Variants in NCKAP1 observed in about 807,000 individuals in gnomAD.
NCKAP1 encodes NCK associated protein 1, also known as nck-associated protein 1.
NCKAP1 carries 21 observed loss-of-function variants against 151.2 expected under a neutral mutation model. The ratio of observed to expected loss-of-function variants is 0.14; its 90% CI spans 0.10 to 0.20. The LOEUF (loss-of-function observed/expected upper bound fraction) is 0.20. Ranked by LOEUF, NCKAP1 falls within the 10% of genes least tolerant of loss-of-function variation. The pLI, the probability that NCKAP1 is intolerant of heterozygous loss-of-function variation, is 1.00. For synonymous variants in NCKAP1, 484 were observed against 451.8 expected (o/e 1.07, Z -0.90); for missense variants, 933 against 1,352.1 (o/e 0.69, Z 4.86).
At chr2:183,004,120 C>A (rs1399064090) in intron 2 of NCKAP1, among the ~76,000 whole-genome samples, 2 of 152,144 alleles carry the variant, frequency 1.3e-5, no homozygotes, top group East Asian at 3.8e-4. Flanking sequence ...GCCACTCCCA[C>A]ATCATTCAGG....
intron 13 of NCKAP1, among the ~76,000 whole-genome samples, chr2:182,980,613 A>G (rs1305991628): frequency 6.6e-6 from 1 of 152,160 alleles, no homozygotes; most frequent in Non-Finnish European, 1.5e-5. Flanking sequence ...GAAAGCAAAA[A>G]AAGGCTAAAA....
At chr2:183,014,737 C>T (rs1698652480) in intron 2 of NCKAP1, among the ~76,000 whole-genome samples, 2 of 152,144 alleles carry the variant, frequency 1.3e-5, no homozygotes, top group South Asian at 4.1e-4. Flanking sequence ...AAAGGTAGTA[C>T]TGAACCTGCC....
Position 182,962,182 on chromosome 2 carries a change from C to T in NCKAP1, c.1858G>A (p.Glu620Lys). 1 of 1,612,462 alleles carries T rather than the reference C, an allele frequency of 6.2e-7. No individual in the cohort carries two copies. The highest frequency in any genetic ancestry group is 2.2e-5 in the East Asian group (1 of 44,810). Residue 620 changes from glutamate (E) to lysine (K), a missense_variant, in exon 18 of 31, where the codon GAA becomes AAA. By Grantham distance (56) the Glu-to-Lys change is moderately conservative (BLOSUM62 1). Coordinates refer to ENST00000361354, the MANE Select transcript of NCKAP1 (RefSeq NM_013436.5). ...ARNLITDICT[E>K]QCTLSDQLLP... ...ACCTGGTCACTAAGGGTACACTGTT[C>T]TGTGCAAATATCAGTGATGAGATTT...
chr2:182,996,515 T>C (rs1024621434), intron 6 of NCKAP1, among the ~76,000 whole-genome samples: 1 of 152,194 alleles, frequency 6.6e-6, no homozygotes, highest in African/African-American at 2.4e-5. Context: ...TGGAGTGCAG[T>C]GGTGCGATCT....
intron 1 of NCKAP1, among the ~76,000 whole-genome samples, chr2:183,036,186 C>A (rs1462056796): frequency 6.6e-6 from 1 of 152,080 alleles, no homozygotes; most frequent in Non-Finnish European, 1.5e-5. Flanking sequence ...TTCAAATGCC[C>A]AGAATTTCAT....
chr2:182,990,841 CTAAG>C (rs1251727718), intron 8 of NCKAP1, among the ~76,000 whole-genome samples: 1 of 152,186 alleles, frequency 6.6e-6, no homozygotes, highest in Non-Finnish European at 1.5e-5. Flanking sequence ...AGCTAACTCT[CTAAG>C]TAGGCATATT....
intron 17 of NCKAP1, among the ~76,000 whole-genome samples, chr2:182,963,608 C>T (rs1300239575): frequency 1.3e-5 from 2 of 151,812 alleles, no homozygotes; most frequent in South Asian, 2.1e-4. Context: ...TGAAGAGTAT[C>T]GTAAATCTGA....
chr2:183,024,278 C>T (rs1241474660), intron 1 of NCKAP1, among the ~76,000 whole-genome samples: 1 of 152,124 alleles, frequency 6.6e-6, no homozygotes, highest in African/African-American at 2.4e-5. Flanking sequence ...GAGTACTAGA[C>T]ATGTTTCTTT....
At chr2:182,946,726 G>C (rs1313829402) in intron 23 of NCKAP1, among the ~76,000 whole-genome samples, 2 of 120,894 alleles carry the variant, frequency 1.7e-5, no homozygotes, top group African/African-American at 6.5e-5. Context: ...AAAAAATAAA[G>C]GCATAAACCT....
At position 182,909,201 on chromosome 2, in the gene NCKAP1, T is replaced by C. The variant is rs1167587653; in HGVS notation, c.*16501A>G. 1.3e-5 allele frequency: 2 copies of C among 152,306 alleles called. No individual in the cohort carries two copies. Among genetic ancestry groups the C allele is most frequent in the East Asian group, 3.9e-4 (2 of 5,182 alleles). The allele number at this position is 152,306 out of a possible 1,614,324, so 9.4% of individuals were successfully genotyped here. The stretch of plus-strand genomic sequence containing the variant: ...GATCTGGAAATAGGTTCAATACACA[T>C]TATATCAAATTTACCGTTTCAACCA... On this transcript the variant is annotated 3_prime_UTR_variant, in exon 31 of 31. Coordinates refer to ENST00000361354, the MANE Select transcript of NCKAP1 (RefSeq NM_013436.5).
chr2:183,014,092 AT>A (rs1374576617), intron 2 of NCKAP1, among the ~76,000 whole-genome samples: 1 of 152,138 alleles, frequency 6.6e-6, no homozygotes, highest in African/African-American at 2.4e-5. Flanking sequence ...TTATTTGTTC[AT>A]TATTTATTTC....
chr2:182,993,941 G>A (rs915211962), intron 8 of NCKAP1, among the ~76,000 whole-genome samples: 6 of 152,134 alleles, frequency 3.9e-5, no homozygotes, highest in African/African-American at 1.4e-4. Context: ...ATAGAAACTT[G>A]GTGGTAGATT....
rs530794545 is a variant in NCKAP1, at chr2:182,997,843, G to C, written c.604-2005C>G. Among the ~76,000 whole-genome samples the C allele has an allele frequency of 1.0e-3, 154 of 152,042 alleles. 2 individuals carry two copies. The highest frequency in any genetic ancestry group is 3.4e-3 in the African/African-American group (143 of 41,468). On this transcript the variant is annotated intron_variant, in intron 6 of 30. Transcript: ENST00000361354. ...CATTCTATGAGTCCAATATCATCCT[G>C]GTACCAAAATCTCGCAAAAATACAA...
chr2:182,945,352 C>T (rs777615834), intron 23 of NCKAP1, among the ~76,000 whole-genome samples: 7 of 151,754 alleles, frequency 4.6e-5, no homozygotes, highest in Non-Finnish European at 7.4e-5. Flanking sequence ...GAGCTATGAA[C>T]GTGCAACTGC....
chr2:182,996,849 C>T (rs1387919492), intron 6 of NCKAP1, among the ~76,000 whole-genome samples: 7 of 152,186 alleles, frequency 4.6e-5, no homozygotes, highest in Admixed American at 4.6e-4. Context: ...TTTAGTGAAA[C>T]TGAACCTCTG....
intron 14 of NCKAP1, 124 bp downstream of exon 14, chr2:182,978,710 A>G: frequency 2.1e-6 from 1 of 476,114 alleles, no homozygotes; most frequent in East Asian, 3.6e-5. Flanking sequence ...TTTGCTTCAG[A>G]GAACAAAATT....
chr2:183,001,915 A>G (rs911649131), intron 6 of NCKAP1, 38 bp downstream of exon 6: 6 of 1,532,072 alleles, frequency 3.9e-6, no homozygotes, highest in Non-Finnish European at 5.4e-6. Context: ...GCTATGTTAT[A>G]TGCCCATTCT....
intron 15 of NCKAP1, among the ~76,000 whole-genome samples, chr2:182,973,857 T>A (rs2105845408): frequency 6.6e-6 from 1 of 152,282 alleles, no homozygotes; most frequent in South Asian, 2.1e-4. Context: ...TTCAAAGCAA[T>A]TTTAACTTGA....
At chr2:182,974,200 T>C (rs1201570456) in intron 15 of NCKAP1, among the ~76,000 whole-genome samples, 2 of 150,548 alleles carry the variant, frequency 1.3e-5, no homozygotes, top group South Asian at 2.1e-4. Flanking sequence ...TGAACACTTC[T>C]CTGGCTTAGT....
Sources: gnomAD v4.1 joint callset for allele counts (sites outside exome capture counted in the v4.1 genomes callset) on GRCh38, gnomAD v4.1.1 for gene constraint, MANE v1.5 for transcripts, NCBI Gene and HGNC (gene_info 2026-07-23, HGNC 2026-07-21) for gene names.